The following STAT3 variants were observed in gnomAD, a reference collection of about 807,000 sequenced individuals.
The protein encoded by STAT3 is signal transducer and activator of transcription 3.
Under a neutral mutation model 114.3 loss-of-function variants are expected in STAT3, and 7 were observed. The observed-to-expected ratio is 0.06, with a 90% CI of 0.03 to 0.11. STAT3 has a LOEUF of 0.11. Ranked by LOEUF, STAT3 falls within the 10% of genes least tolerant of loss-of-function variation. STAT3 has a pLI of 1.00. For missense variants in STAT3, 364 were observed against 960.9 expected, an observed-to-expected ratio of 0.38 and a Z score of 8.21; for synonymous variants, 331 against 354.5, an observed-to-expected ratio of 0.93 and a Z score of 0.74.
chr17:42,350,056 CAA>C (rs34972443), intron 1 of STAT3, among the ~76,000 whole-genome samples: 36 of 136,524 alleles, frequency 2.6e-4, no homozygotes, highest in Admixed American at 3.0e-4. Context: ...ACTCTGTCTC[CAA>C]AAAAAAAAAA....
chr17:42,372,096 G>C (rs1006938887), intron 1 of STAT3, among the ~76,000 whole-genome samples: 1 of 152,188 alleles, frequency 6.6e-6, no homozygotes, highest in Non-Finnish European at 1.5e-5. Context: ...GGAGTAACAG[G>C]AACTCTCACT....
chr17:42,358,043 C>T (rs2083312121), intron 1 of STAT3, among the ~76,000 whole-genome samples: 1 of 152,078 alleles, frequency 6.6e-6, no homozygotes, highest in South Asian at 2.1e-4. Context: ...GACGATCAAG[C>T]TTGTAAAAAT....
chr17:42,335,129 CTTT>C (rs367729820), intron 8 of STAT3, among the ~76,000 whole-genome samples: 1 of 144,688 alleles, frequency 6.9e-6, no homozygotes, highest in African/African-American at 2.5e-5. Flanking sequence ...TTCTTTCTTT[CTTT>C]TTTTTTTTTT....
At position 42,333,602 on chromosome 17, in the gene STAT3, C is replaced by A; in HGVS notation, c.1049+71G>T. On this transcript the variant is annotated intron_variant, in intron 10 of 23. Transcript: ENST00000264657. The surrounding 1 kb of genome is among the most constrained non-coding windows in gnomAD (Gnocchi z 5.2). Reference sequence around the variant, plus strand: ...CACCTGGAAAGAATGACCCTGGCCACCAACTCTACCCTCACCCTAACAGTG... The same window carrying A: ...CACCTGGAAAGAATGACCCTGGCCAACAACTCTACCCTCACCCTAACAGTG... 1.9e-6 allele frequency: 3 copies of A among 1,567,090 alleles called. No homozygotes were observed. Among genetic ancestry groups the A allele is most frequent in the East Asian group, 4.5e-5 (2 of 44,548 alleles).
At chr17:42,362,709 T>C (rs990802168) in intron 1 of STAT3, among the ~76,000 whole-genome samples, 2 of 152,180 alleles carry the variant, frequency 1.3e-5, no homozygotes. Flanking sequence ...TACAAATTCA[T>C]CGAGCTAATG....
chr17:42,314,212 T>C lies in STAT3; in HGVS notation c.*1533A>G, dbSNP rs2144594822. The C allele has an allele frequency of 4.3e-6, 1 of 232,846 alleles. No individual in the cohort carries two copies. The highest frequency in any genetic ancestry group is 1.8e-4 in the South Asian group (1 of 5,508). 14.4% of individuals were successfully genotyped at this position (232,846 alleles called of 1,614,324 possible). ...TCATACGAGGGCAGACTCAAGTTTA[T>C]CAGTAAGCCTTTGCCCTGCATGAAC... On this transcript the variant is annotated 3_prime_UTR_variant, in exon 24 of 24. Coordinates refer to ENST00000264657, the MANE Select transcript of STAT3 (RefSeq NM_139276.3).
chr17:42,323,559 A>T lies in STAT3; in HGVS notation c.1653+14T>A, dbSNP rs992672280. 6.2e-7 allele frequency: 1 copy of T among 1,613,958 alleles called. No individual in the cohort carries two copies. The highest frequency in any genetic ancestry group is 1.7e-5 in the Admixed American group (1 of 60,024). ...GCATTCCCATTCCCACGAGAATTTAACAAGATTGCTTACTTTGCAAAATTT... is the reference window on the plus strand; with the variant it reads ...GCATTCCCATTCCCACGAGAATTTATCAAGATTGCTTACTTTGCAAAATTT... On this transcript the variant is annotated intron_variant, in intron 18 of 23. Transcript: ENST00000264657.
chr17:42,385,460 G>A (rs1292954062), intron 1 of STAT3, among the ~76,000 whole-genome samples: 1 of 147,282 alleles, frequency 6.8e-6, no homozygotes, highest in African/African-American at 2.5e-5. Flanking sequence ...AGTGAGCCAC[G>A]ATCATGCCAC....
At chr17:42,358,676 G>A (rs1046759431) in intron 1 of STAT3, among the ~76,000 whole-genome samples, 14 of 152,272 alleles carry the variant, frequency 9.2e-5, no homozygotes, top group Admixed American at 3.9e-4. Context: ...CAGTAGAGAC[G>A]GGAGCTGGAT....
intron 21 of STAT3, among the ~76,000 whole-genome samples, chr17:42,318,131 T>C (rs2081325275): frequency 6.6e-6 from 1 of 151,936 alleles, no homozygotes; most frequent in South Asian, 2.1e-4. Context: ...TTTGTCTTTT[T>C]TTTTTTTGAG....
chr17:42,334,998 A>T (rs1467459289), intron 8 of STAT3, among the ~76,000 whole-genome samples: 1 of 152,192 alleles, frequency 6.6e-6, no homozygotes, highest in Non-Finnish European at 1.5e-5. Context: ...GCTCCCAAAG[A>T]TGGGTTTGAG....
intron 8 of STAT3, among the ~76,000 whole-genome samples, chr17:42,336,333 A>G (rs1477732441): frequency 6.6e-6 from 1 of 152,206 alleles, no homozygotes; most frequent in East Asian, 1.9e-4. Flanking sequence ...ACGGCAGCTC[A>G]CATCTATAAT....
chr17:42,380,385 T>C (rs1371192326), intron 1 of STAT3, among the ~76,000 whole-genome samples: 1 of 151,192 alleles, frequency 6.6e-6, no homozygotes, highest in Non-Finnish European at 1.5e-5. Flanking sequence ...ATTATGCTTT[T>C]TGTTTTTCGG....
At chr17:42,344,634 G>A (rs112327557) in intron 4 of STAT3, among the ~76,000 whole-genome samples, 9,180 of 150,880 alleles carry the variant, frequency 0.061, 344 homozygotes, top group Non-Finnish European at 0.074. Context: ...CAAGAGAATC[G>A]CTTGAACCTG....
chr17:42,345,695 A>G (rs751738499), intron 3 of STAT3, 38 bp from the exon 4 acceptor site: 21 of 1,540,608 alleles, frequency 1.4e-5, no homozygotes, highest in Non-Finnish European at 1.9e-5. Context: ...AATCAGCAGC[A>G]GACCATGGAG....
Position 42,333,605 on chromosome 17 carries a change from ACTCTACC to A in STAT3, c.1049+61_1049+67del. ...CTGGAAAGAATGACCCTGGCCACCA[ACTCTACC>A]CTCACCCTAACAGTGTCCCTCAGTA... On this transcript the variant is annotated intron_variant, in intron 10 of 23. Transcript: ENST00000264657. The surrounding 1 kb of genome is among the most constrained non-coding windows in gnomAD (Gnocchi z 5.2). 6.3e-7 allele frequency: 1 copy of A among 1,577,854 alleles called. No homozygotes were observed. Among genetic ancestry groups the A allele is most frequent in the Non-Finnish European group, 8.7e-7 (1 of 1,149,250 alleles).
At chr17:42,317,143 T>C in intron 22 of STAT3, 39 bp downstream of exon 22, 1 of 1,613,662 alleles carries the variant, frequency 6.2e-7, no homozygotes, top group Middle Eastern at 1.6e-4. Context: ...ACTGAGGATA[T>C]TAGAAATGAA....
At chr17:42,381,400 C>A (rs1206011800) in intron 1 of STAT3, among the ~76,000 whole-genome samples, 2 of 152,032 alleles carry the variant, frequency 1.3e-5, no homozygotes, top group African/African-American at 4.8e-5. Context: ...GCAGATTTAC[C>A]TTCCTTATTA....
At chr17:42,340,998 GTCTC>G (rs1362560173) in intron 4 of STAT3, among the ~76,000 whole-genome samples, 1 of 152,096 alleles carries the variant, frequency 6.6e-6, no homozygotes, top group South Asian at 2.1e-4. Context: ...TGCACATCCA[GTCTC>G]TCTACCCCAA....
Sources: allele counts gnomAD v4.1 joint callset (sites outside exome capture counted in the v4.1 genomes callset), GRCh38; gene constraint gnomAD v4.1.1; non-coding constraint Gnocchi (gnomAD v3.1); transcripts MANE v1.5; gene names NCBI Gene and HGNC (gene_info 2026-07-23, HGNC 2026-07-21).